Variants in CSRNP3 observed in about 807,000 individuals in gnomAD.
CSRNP3 encodes cysteine/serine-rich nuclear protein 3.
CSRNP3 carries 12 observed loss-of-function variants against 48.0 expected under a neutral mutation model. That is an observed-to-expected ratio of 0.25 (90% CI 0.16 to 0.41). CSRNP3 has a LOEUF of 0.41. Ranked by LOEUF, CSRNP3 falls within the 10% of genes least tolerant of loss-of-function variation. The probability of loss-of-function intolerance (pLI) is 1.00; values close to 1 mark genes in which losing one functional copy is unlikely to be tolerated. For synonymous variants in CSRNP3, 263 were observed against 269.7 expected, an observed-to-expected ratio of 0.98 and a Z score of 0.24; for missense variants, 580 against 724.4, an observed-to-expected ratio of 0.80 and a Z score of 2.29.
chr2:165,525,084 A>G (rs1029773322), intron 3 of CSRNP3, among the ~76,000 whole-genome samples: 1 of 152,198 alleles, frequency 6.6e-6, no homozygotes, highest in Non-Finnish European at 1.5e-5. Flanking sequence ...CTTCACTGAC[A>G]CTTGGTATTA....
At chr2:165,555,038 C>G (rs1202926132) in intron 3 of CSRNP3, among the ~76,000 whole-genome samples, 1 of 152,144 alleles carries the variant, frequency 6.6e-6, no homozygotes, top group Non-Finnish European at 1.5e-5. Flanking sequence ...CTGGAATTCT[C>G]TCTACCCCAG....
chr2:165,548,490 T>A (rs1558931386), intron 3 of CSRNP3, among the ~76,000 whole-genome samples: 2 of 152,132 alleles, frequency 1.3e-5, no homozygotes, highest in Non-Finnish European at 2.9e-5. Context: ...TAACTATATT[T>A]ATCTTACAGC....
chr2:165,593,512 T>C (rs1430983643), intron 3 of CSRNP3, among the ~76,000 whole-genome samples: 2 of 152,180 alleles, frequency 1.3e-5, no homozygotes, highest in African/African-American at 4.8e-5. Flanking sequence ...CTCATTCAGG[T>C]AGCACACTTT....
At chr2:165,553,200 C>G (rs1043862311) in intron 3 of CSRNP3, among the ~76,000 whole-genome samples, 4 of 152,148 alleles carry the variant, frequency 2.6e-5, no homozygotes, top group Non-Finnish European at 4.4e-5. Flanking sequence ...CTTTCTAGCT[C>G]TCTTCTTCCA....
intron 3 of CSRNP3, among the ~76,000 whole-genome samples, chr2:165,569,206 G>A (rs1009260847): frequency 5.3e-5 from 8 of 152,060 alleles, no homozygotes; most frequent in African/African-American, 1.9e-4. Context: ...TGACTTCTCT[G>A]AATGTGTTGT....
At chr2:165,615,788 G>A (rs1686229633) in intron 4 of CSRNP3, among the ~76,000 whole-genome samples, 1 of 150,838 alleles carries the variant, frequency 6.6e-6, no homozygotes, top group South Asian at 2.1e-4. Context: ...AGGCTAAAGT[G>A]CACTGGTGCA....
chr2:165,650,371 T>C (rs1686884518), intron 4 of CSRNP3, among the ~76,000 whole-genome samples: 2 of 152,154 alleles, frequency 1.3e-5, no homozygotes, highest in Admixed American at 6.6e-5. Context: ...TAAGATGAGA[T>C]CAGGTAGGTG....
At chr2:165,587,225 A>G (rs1356154231) in intron 3 of CSRNP3, among the ~76,000 whole-genome samples, 2 of 152,256 alleles carry the variant, frequency 1.3e-5, no homozygotes, top group East Asian at 1.9e-4. Context: ...ATGTTTTAAA[A>G]TAAAGTAGTT....
chr2:165,592,418 A>AG (rs1011112491), intron 3 of CSRNP3, among the ~76,000 whole-genome samples: 18 of 152,186 alleles, frequency 1.2e-4, no homozygotes, highest in South Asian at 6.2e-4. Context: ...CCTAGACCTT[A>AG]GGGGGGCCGT....
Position 165,679,354 on chromosome 2 carries a change from C to T in CSRNP3, c.1359C>T (p.Asn453=). 3 of 1,613,596 alleles carry T rather than the reference C, an allele frequency of 1.9e-6. No individual in the cohort carries two copies. The highest frequency in any genetic ancestry group is 2.5e-6 in the Non-Finnish European group (3 of 1,179,830). Residue 453 remains asparagine (N), a synonymous_variant, in exon 7 of 7, where the codon AAC becomes AAT. Transcript: ENST00000651982. ...IPGTPNQISE[N]YSERDTVKNG... ...GAACTCCAAATCAGATCTCTGAGAACTATTCTGAAAGAGACACTGTCAAAA... is the reference window on the plus strand; with the variant it reads ...GAACTCCAAATCAGATCTCTGAGAATTATTCTGAAAGAGACACTGTCAAAA...
At chr2:165,581,433 C>T (rs1277162096) in intron 3 of CSRNP3, among the ~76,000 whole-genome samples, 1 of 152,138 alleles carries the variant, frequency 6.6e-6, no homozygotes, top group Admixed American at 6.5e-5. Flanking sequence ...TTAGAGGCAT[C>T]AGTCTTTGCA....
At position 165,666,050 on chromosome 2, in the gene CSRNP3, AAG is replaced by A. The variant is rs1553484270; in HGVS notation, c.408+8037_408+8038del. Among the ~76,000 whole-genome samples, 5 of 103,088 alleles carry A rather than the reference AAG, an allele frequency of 4.9e-5. 1 individual carries two copies. In the Admixed American group the frequency reaches 5.4e-4, roughly 11 times the overall value. 67.6% of individuals were successfully genotyped at this position (103,088 alleles called of 152,430 possible). A position where few individuals can be genotyped will look rare whatever the true frequency, so the allele number is the denominator to read the frequency against. On this transcript the variant is annotated intron_variant, in intron 5 of 6. Transcript: ENST00000651982. ...GAGAGAGGAAGGGAGGAAGGAAGGA[AAG>A]AGAGAGGAAGAAAGAAAGAGAGAGA...
chr2:165,526,726 A>C (rs1215936407), intron 3 of CSRNP3, among the ~76,000 whole-genome samples: 2 of 152,200 alleles, frequency 1.3e-5, no homozygotes, highest in Non-Finnish European at 2.9e-5. Context: ...GTAGGCATAG[A>C]GTCTGGCACA....
intron 4 of CSRNP3, among the ~76,000 whole-genome samples, chr2:165,606,501 C>T (rs1333368948): frequency 6.6e-6 from 1 of 151,926 alleles, no homozygotes; most frequent in Admixed American, 6.6e-5. Flanking sequence ...CATCATTTCA[C>T]GTATGTCATA....
Position 165,593,091 on chromosome 2 carries a change from G to A in CSRNP3, c.-23-1952G>A, listed in dbSNP as rs201710174. 3.0e-4 allele frequency among the ~76,000 whole-genome samples: 45 copies of A among 152,198 alleles called. No homozygotes were observed. The East Asian group carries it at 4.6e-3, about 16-fold the overall frequency. ...GCTGGGATTACAGGCGTGAGCCACC[G>A]CGCCCGGCCTAAACCTCTTTTCTTT... On this transcript the variant is annotated intron_variant, in intron 3 of 6. Transcript: ENST00000651982.
chr2:165,688,610 GA>G lies in CSRNP3; in HGVS notation c.*8860del, dbSNP rs1319545335. The G allele has an allele frequency of 6.6e-6, 1 of 152,066 alleles. No individual in the cohort carries two copies. The highest frequency in any genetic ancestry group is 1.5e-5 in the Non-Finnish European group (1 of 68,010). 9.4% of individuals were successfully genotyped at this position (152,066 alleles called of 1,614,324 possible). A position where few individuals can be genotyped will look rare whatever the true frequency, so the allele number is the denominator to read the frequency against. ...TATGTCTCACTTTCCAACTGCCATA[GA>G]AATTTGGTACATTTGCAAATTCTGG... On this transcript the variant is annotated 3_prime_UTR_variant, in exon 7 of 7. Coordinates refer to ENST00000651982, the MANE Select transcript of CSRNP3 (RefSeq NM_001172173.2).
intron 4 of CSRNP3, among the ~76,000 whole-genome samples, chr2:165,600,875 G>A (rs1685903685): frequency 6.6e-6 from 1 of 152,080 alleles, no homozygotes; most frequent in Admixed American, 6.5e-5. Context: ...ATAACATTTT[G>A]TTGTCATTAC....
chr2:165,563,881 C>G (rs758463267), intron 3 of CSRNP3, among the ~76,000 whole-genome samples: 1 of 152,102 alleles, frequency 6.6e-6, no homozygotes, highest in African/African-American at 2.4e-5. Flanking sequence ...ACAAGTACCA[C>G]ATCCCTGTAG....
intron 3 of CSRNP3, among the ~76,000 whole-genome samples, chr2:165,560,437 C>G (rs1347808531): frequency 6.6e-6 from 1 of 152,192 alleles, no homozygotes; most frequent in Non-Finnish European, 1.5e-5. Flanking sequence ...TTATAACTAT[C>G]ATGAACAATC....
Sources: allele counts gnomAD v4.1 joint callset (sites outside exome capture counted in the v4.1 genomes callset), GRCh38; gene constraint gnomAD v4.1.1; transcripts MANE v1.5; gene names NCBI Gene and HGNC (gene_info 2026-07-23, HGNC 2026-07-21).